Variants in KANK1 observed in about 807,000 individuals in gnomAD.
The protein encoded by KANK1 is KN motif and ankyrin repeat domains 1.
KANK1 carries 109 observed loss-of-function variants against 106.2 expected under a neutral mutation model. The observed-to-expected ratio is 1.03, with a 90% confidence interval of 0.88 to 1.20. KANK1 has a LOEUF of 1.20. KANK1 is among the 50% of genes most tolerant of loss of function. KANK1 has a pLI of 0.00. For missense variants in KANK1, 2,399 were observed against 1,710.7 expected (o/e 1.40, Z -7.10); for synonymous variants, 873 against 652.2 (o/e 1.34, Z -5.16).
At chr9:706,399 T>C (rs1215700403) in intron 2 of KANK1, among the ~76,000 whole-genome samples, 1 of 152,128 alleles carries the variant, frequency 6.6e-6, no homozygotes, top group Non-Finnish European at 1.5e-5. Context: ...GTGATAAGTT[T>C]TGTTGTGTTT....
chr9:660,837 C>T (rs938426371), intron 1 of KANK1, among the ~76,000 whole-genome samples: 5 of 152,142 alleles, frequency 3.3e-5, no homozygotes. Context: ...TTAGAGAGGC[C>T]CCCTTCCCAA....
At chr9:662,192 G>T (rs1056292252) in intron 1 of KANK1, among the ~76,000 whole-genome samples, 6 of 152,270 alleles carry the variant, frequency 3.9e-5, no homozygotes, top group Non-Finnish European at 8.8e-5. Flanking sequence ...CAGACAAATG[G>T]AAGAACATTC....
intron 1 of KANK1, among the ~76,000 whole-genome samples, chr9:531,201 A>G (rs2060039007): frequency 6.6e-6 from 1 of 152,018 alleles, no homozygotes; most frequent in Non-Finnish European, 1.5e-5. Context: ...GACTTTGGGA[A>G]GCCCATGCAG....
intron 1 of KANK1, among the ~76,000 whole-genome samples, chr9:574,722 G>T (rs1359685956): frequency 1.3e-5 from 2 of 151,920 alleles, no homozygotes; most frequent in Non-Finnish European, 2.9e-5. Context: ...AGGCATGGTG[G>T]CACGTGCCTG....
chr9:518,407 G>A (rs1327094567), intron 1 of KANK1, among the ~76,000 whole-genome samples: 1 of 142,080 alleles, frequency 7.0e-6, no homozygotes, highest in East Asian at 1.9e-4. Flanking sequence ...GTGGCCCAGG[G>A]CAGTTTTTAC....
chr9:531,594 C>T (rs1275241199), intron 1 of KANK1, among the ~76,000 whole-genome samples: 2 of 152,186 alleles, frequency 1.3e-5, no homozygotes, highest in African/African-American at 4.8e-5. Flanking sequence ...GGGACTCTGT[C>T]ATTTGAGATG....
intron 3 of KANK1, among the ~76,000 whole-genome samples, chr9:722,394 G>T (rs2131371116): frequency 6.6e-6 from 1 of 151,888 alleles, no homozygotes; most frequent in Non-Finnish European, 1.5e-5. Flanking sequence ...CCAGATCATT[G>T]TATCTACATT....
At position 713,123 on chromosome 9, in the gene KANK1, T is replaced by C; in HGVS notation, c.2357T>C (p.Leu786Ser). 6.2e-7 allele frequency: 1 copy of C among 1,603,364 alleles called. No individual in the cohort carries two copies. Among genetic ancestry groups the C allele is most frequent in the Non-Finnish European group, 8.5e-7 (1 of 1,172,800 alleles). ...ACTATAGCTTGTGGGCCACCACAGT[T>C]GACTGTGGGGCTGACAGCCAGCAGA... ...MRTIACGPPQ[L>S]TVGLTASRRS... is the part of the protein sequence containing the mutation. The change falls in exon 3 of 12, where the codon TTG becomes TCG. Residue 786 changes from leucine (L) to serine (S), a missense_variant. Physicochemically the swap from Leu to Ser is moderately radical, Grantham distance 145. Coordinates refer to ENST00000382297, the MANE Select transcript of KANK1 (RefSeq NM_015158.5).
At chr9:594,998 T>C (rs1825861740) in intron 1 of KANK1, among the ~76,000 whole-genome samples, 1 of 151,942 alleles carries the variant, frequency 6.6e-6, no homozygotes, top group African/African-American at 2.4e-5. Context: ...TTAAGAATTT[T>C]TATTCAGAAC....
At chr9:592,970 G>A (rs1588091530) in intron 1 of KANK1, among the ~76,000 whole-genome samples, 1 of 151,848 alleles carries the variant, frequency 6.6e-6, no homozygotes, top group African/African-American at 2.4e-5. Context: ...GATGATCTTG[G>A]CGTCACCCAC....
chr9:548,477 GA>G (rs1437771306), intron 1 of KANK1, among the ~76,000 whole-genome samples: 1 of 152,118 alleles, frequency 6.6e-6, no homozygotes, highest in Non-Finnish European at 1.5e-5. Flanking sequence ...TGCTTTCTGG[GA>G]TGACTTTAAC....
intron 3 of KANK1, among the ~76,000 whole-genome samples, chr9:494,167 C>G (rs969393973): frequency 6.6e-6 from 1 of 152,210 alleles, no homozygotes; most frequent in African/African-American, 2.4e-5. Context: ...AGGCATGAGC[C>G]ACCGCACCCA....
chr9:645,617 C>G (rs763140173), intron 1 of KANK1, among the ~76,000 whole-genome samples: 3 of 150,494 alleles, frequency 2.0e-5, no homozygotes, highest in Admixed American at 6.6e-5. Context: ...CGTGGTGGCT[C>G]ATGCCTGTAA....
chr9:540,981 G>C (rs2060565133), intron 1 of KANK1, among the ~76,000 whole-genome samples: 2 of 151,930 alleles, frequency 1.3e-5, no homozygotes, highest in African/African-American at 2.4e-5. Flanking sequence ...TGCTGACTTT[G>C]GGCTGTTCCT....
intron 1 of KANK1, among the ~76,000 whole-genome samples, chr9:547,531 G>A (rs1307115741): frequency 1.3e-5 from 2 of 151,612 alleles, no homozygotes; most frequent in African/African-American, 4.8e-5. Flanking sequence ...TGGGGAGACG[G>A]ATTAAAATAA....
Position 607,547 on chromosome 9 carries a change from A to G in KANK1, c.-83-69343A>G, listed in dbSNP as rs568805873. ...TTGTTAAACACTGTTTCAGTTGAGTACCTCTCCTGTGGGCTTGTTGGTTCT... is the reference window on the plus strand; with the variant it reads ...TTGTTAAACACTGTTTCAGTTGAGTGCCTCTCCTGTGGGCTTGTTGGTTCT... On this transcript the variant is annotated intron_variant, in intron 1 of 11. Coordinates refer to ENST00000382297, the MANE Select transcript of KANK1 (RefSeq NM_015158.5). Among the ~76,000 whole-genome samples, 54 of 149,522 alleles carry G rather than the reference A, an allele frequency of 3.6e-4. 2 individuals carry two copies. The highest frequency in any genetic ancestry group is 1.2e-3 in the African/African-American group (48 of 40,324).
chr9:730,587 G>A (rs187278413), intron 4 of KANK1: 192 of 311,126 alleles, frequency 6.2e-4, no homozygotes, highest in African/African-American at 3.7e-3. Flanking sequence ...CAGCTACTCC[G>A]GCGGCTGAGG....
At chr9:628,598 G>C (rs1467654129) in intron 1 of KANK1, among the ~76,000 whole-genome samples, 2 of 152,172 alleles carry the variant, frequency 1.3e-5, no homozygotes, top group Non-Finnish European at 2.9e-5. Flanking sequence ...CACAGTGGTG[G>C]TGAGTTCAGA....
intron 2 of KANK1, chr9:693,375 AG>A: frequency 1.0e-6 from 1 of 985,284 alleles, no homozygotes; most frequent in Non-Finnish European, 1.2e-6. Context: ...GGAGTAAGTC[AG>A]CACAAACAAT....
Sources: gnomAD v4.1 joint callset for allele counts (sites outside exome capture counted in the v4.1 genomes callset) on GRCh38, gnomAD v4.1.1 for gene constraint, MANE v1.5 for transcripts, NCBI Gene and HGNC (gene_info 2026-07-23, HGNC 2026-07-21) for gene names.